Variants in EYS observed in about 807,000 individuals in gnomAD.
The protein encoded by EYS is protein eyes shut homolog.
A neutral mutation model predicts 282.1 loss-of-function variants in EYS; 250 were observed. The observed-to-expected ratio is 0.89, with a 90% CI of 0.80 to 0.98. The LOEUF is 0.98. Among genes scored for constraint, EYS ranks in the 50% least tolerant of loss-of-function variants. EYS has a pLI of 0.00. For synonymous variants in EYS, 1,355 were observed against 1,282.9 expected (o/e 1.06, Z -1.20); for missense variants, 4,016 against 3,709.0 (o/e 1.08, Z -2.15).
chr6:65,094,435 A>G (rs1202616285), intron 12 of EYS, among the ~76,000 whole-genome samples: 2 of 151,408 alleles, frequency 1.3e-5, no homozygotes, highest in East Asian at 3.9e-4. Flanking sequence ...TTGTTTTTAA[A>G]CATGCACAGA....
chr6:65,003,459 C>G (rs189869329), intron 13 of EYS, among the ~76,000 whole-genome samples: 2 of 147,916 alleles, frequency 1.4e-5, no homozygotes, highest in African/African-American at 4.8e-5. Flanking sequence ...AATTTCACCT[C>G]AGTCCTGTGG....
chr6:64,935,413 T>A (rs915541505), intron 15 of EYS, among the ~76,000 whole-genome samples: 2 of 151,752 alleles, frequency 1.3e-5, no homozygotes, highest in Non-Finnish European at 3.0e-5. Context: ...TAGTTATACT[T>A]TGTATTCAAT....
chr6:65,482,278 G>A (rs954935138), intron 5 of EYS, among the ~76,000 whole-genome samples: 4 of 152,056 alleles, frequency 2.6e-5, no homozygotes, highest in African/African-American at 9.7e-5. Context: ...TTAAACATTT[G>A]CCATAAATTA....
intron 31 of EYS, among the ~76,000 whole-genome samples, chr6:64,219,831 C>G (rs989309512): frequency 6.6e-6 from 1 of 152,148 alleles, no homozygotes; most frequent in East Asian, 1.9e-4. Context: ...CACATATACA[C>G]CATGGAACAC....
intron 13 of EYS, among the ~76,000 whole-genome samples, chr6:65,018,704 T>C (rs1054705744): frequency 1.3e-5 from 2 of 152,116 alleles, no homozygotes; most frequent in South Asian, 2.1e-4. Flanking sequence ...TGTTTGTTTG[T>C]TTAGAAGTTT....
chr6:63,833,251 C>T (rs912526137), intron 36 of EYS, among the ~76,000 whole-genome samples: 8 of 152,048 alleles, frequency 5.3e-5, no homozygotes, highest in African/African-American at 1.4e-4. Flanking sequence ...GAAGTGTATT[C>T]AATTAGGAAA....
chr6:64,931,955 G>A (rs1228041759), intron 15 of EYS, among the ~76,000 whole-genome samples: 1 of 152,046 alleles, frequency 6.6e-6, no homozygotes, highest in Admixed American at 6.6e-5. Context: ...AATCATTTCT[G>A]TAATAGCAGA....
chr6:63,998,791 C>G (rs1394176163), intron 34 of EYS, among the ~76,000 whole-genome samples: 1 of 140,320 alleles, frequency 7.1e-6, no homozygotes, highest in Non-Finnish European at 1.6e-5. Flanking sequence ...CTGGAGCTGT[C>G]TTTTTTTTTT....
chr6:65,434,291 T>A (rs1767983542), intron 5 of EYS, among the ~76,000 whole-genome samples: 1 of 150,624 alleles, frequency 6.6e-6, no homozygotes, highest in African/African-American at 2.4e-5. Flanking sequence ...AACAACAGGT[T>A]ATATCAGGGA....
intron 5 of EYS, among the ~76,000 whole-genome samples, chr6:65,423,232 A>G (rs975559488): frequency 1.3e-5 from 2 of 151,896 alleles, no homozygotes; most frequent in Non-Finnish European, 2.9e-5. Flanking sequence ...AACGCTGGCA[A>G]CATTTTATTT....
chr6:64,432,495 C>A (rs2150460824), intron 28 of EYS, among the ~76,000 whole-genome samples: 1 of 150,956 alleles, frequency 6.6e-6, no homozygotes, highest in East Asian at 2.0e-4. Flanking sequence ...TTATTAAAGG[C>A]AAACTCAATT....
chr6:64,083,516 C>T (rs770077290), intron 31 of EYS, among the ~76,000 whole-genome samples: 1 of 152,026 alleles, frequency 6.6e-6, no homozygotes, highest in Non-Finnish European at 1.5e-5. Context: ...CTGACCCTTC[C>T]AGCTTTGAAT....
chr6:64,233,113 C>T (rs780089754), intron 30 of EYS, among the ~76,000 whole-genome samples: 2 of 152,136 alleles, frequency 1.3e-5, no homozygotes, highest in East Asian at 1.9e-4. Flanking sequence ...CTTCTTTCTC[C>T]TGCTGTAGCT....
At chr6:65,108,885 A>G (rs1235344536) in intron 12 of EYS, among the ~76,000 whole-genome samples, 1 of 151,824 alleles carries the variant, frequency 6.6e-6, no homozygotes, top group Non-Finnish European at 1.5e-5. Context: ...TCTTTTCAAT[A>G]TTTATTCTTT....
intron 26 of EYS, among the ~76,000 whole-genome samples, chr6:64,546,953 C>T (rs777985973): frequency 2.0e-5 from 3 of 152,142 alleles, no homozygotes; most frequent in Non-Finnish European, 2.9e-5. Context: ...GGTTCTTGGT[C>T]TCACTGACTT....
rs959628121 is a variant in EYS, at chr6:65,629,262, G to C, written c.-333+10516C>G. 2.6e-5 allele frequency among the ~76,000 whole-genome samples: 4 copies of C among 152,278 alleles called. No homozygotes were observed. The East Asian group carries it at 5.8e-4, about 22-fold the overall frequency. On this transcript the variant is annotated intron_variant, in intron 2 of 42. Transcript: ENST00000503581. ...AGAATAGTATGTTTTATAACCAGAA[G>C]TTATGACACACACACAAAAGACTTG...
intron 4 of EYS, among the ~76,000 whole-genome samples, chr6:65,494,316 T>A (rs1281665103): frequency 6.6e-6 from 1 of 151,984 alleles, no homozygotes; most frequent in Non-Finnish European, 1.5e-5. Flanking sequence ...CTCGCTCTTT[T>A]GCCCAGGCCG....
intron 42 of EYS, among the ~76,000 whole-genome samples, chr6:63,724,411 A>G (rs181614148): frequency 1.3e-5 from 2 of 150,796 alleles, no homozygotes; most frequent in Non-Finnish European, 2.9e-5. Context: ...GGTAATTTAA[A>G]CTTATTTATA....
intron 36 of EYS, among the ~76,000 whole-genome samples, chr6:63,827,862 A>ATAAAT (rs1431008613): frequency 5.1e-4 from 76 of 148,482 alleles, no homozygotes; most frequent in East Asian, 2.0e-3. Flanking sequence ...AAAAAAAAAA[A>ATAAAT]AAAAAAAAAG....
Sources: allele counts gnomAD v4.1 joint callset (sites outside exome capture counted in the v4.1 genomes callset), GRCh38; gene constraint gnomAD v4.1.1; transcripts MANE v1.5; gene names NCBI Gene and HGNC (gene_info 2026-07-23, HGNC 2026-07-21).